The following MFHAS1 variants were observed in gnomAD, a reference collection of about 807,000 sequenced individuals.
MFHAS1 encodes the protein multifunctional ROCO family signaling regulator 1.
Under a neutral mutation model 70.4 loss-of-function variants are expected in MFHAS1, and 50 were observed. That is an observed-to-expected ratio of 0.71 (90% CI 0.57 to 0.90). The LOEUF is 0.90. Among genes scored for constraint, MFHAS1 ranks in the 40% least tolerant of loss-of-function variants. The pLI, the probability that MFHAS1 is intolerant of heterozygous loss-of-function variation, is 0.00. For synonymous variants in MFHAS1, 952 were observed against 620.0 expected, an observed-to-expected ratio of 1.54 and a Z score of -7.96; for missense variants, 1,795 against 1,347.6, an observed-to-expected ratio of 1.33 and a Z score of -5.20.
intron 1 of MFHAS1, among the ~76,000 whole-genome samples, chr8:8,866,544 C>G (rs1176743658): frequency 6.6e-6 from 1 of 152,090 alleles, no homozygotes; most frequent in Non-Finnish European, 1.5e-5. Context: ...TCTTCAACTC[C>G]TGGGCTCAAG....
chr8:8,808,688 C>T (rs1344220049), intron 1 of MFHAS1, among the ~76,000 whole-genome samples: 1 of 152,224 alleles, frequency 6.6e-6, no homozygotes, highest in African/African-American at 2.4e-5. Flanking sequence ...ATGGTTACAG[C>T]ACCTGCTAAG....
chr8:8,806,627 T>G (rs1399575839), intron 1 of MFHAS1, among the ~76,000 whole-genome samples: 4 of 152,174 alleles, frequency 2.6e-5, no homozygotes, highest in Non-Finnish European at 5.9e-5. Context: ...ATAGATGCTT[T>G]CTCTAGATTT....
At chr8:8,787,847 A>C (rs1421421209) in intron 2 of MFHAS1, among the ~76,000 whole-genome samples, 1 of 152,250 alleles carries the variant, frequency 6.6e-6, no homozygotes, top group Non-Finnish European at 1.5e-5. Flanking sequence ...TACCTAATCA[A>C]GGACACCTAG....
At chr8:8,807,263 C>T (rs1221049963) in intron 1 of MFHAS1, among the ~76,000 whole-genome samples, 1 of 152,092 alleles carries the variant, frequency 6.6e-6, no homozygotes, top group Non-Finnish European at 1.5e-5. Context: ...ATCTCATTAT[C>T]TCAGAAAAAA....
At chr8:8,872,758 C>T (rs1227210005) in intron 1 of MFHAS1, among the ~76,000 whole-genome samples, 3 of 151,180 alleles carry the variant, frequency 2.0e-5, no homozygotes, top group Non-Finnish European at 2.9e-5. Context: ...GTGGATATTC[C>T]CTATTCCAAG....
intron 1 of MFHAS1, among the ~76,000 whole-genome samples, chr8:8,835,151 G>C (rs1233237553): frequency 6.6e-6 from 1 of 150,920 alleles, no homozygotes; most frequent in African/African-American, 2.4e-5. Context: ...TCGAGGGTGA[G>C]CATTAGGGGA....
chr8:8,855,609 G>A lies in MFHAS1; in HGVS notation c.2998+34452C>T, dbSNP rs111393438. Among the ~76,000 whole-genome samples the A allele has an allele frequency of 5.2e-3, 791 of 152,178 alleles. 10 individuals are homozygous for A. The highest frequency in any genetic ancestry group is 0.017 in the African/African-American group (705 of 41,544). On this transcript the variant is annotated intron_variant, in intron 1 of 2. Coordinates refer to ENST00000276282, the MANE Select transcript of MFHAS1 (RefSeq NM_004225.3). ...GGTGGCTCACACCTGTAATCCTGGC[G>A]CTTTGGTAGGCCGAGGCGGGTGGAT... is the stretch of plus-strand genomic sequence containing the variant.
At chr8:8,795,197 C>T (rs138598473) in intron 2 of MFHAS1, among the ~76,000 whole-genome samples, 70 of 151,512 alleles carry the variant, frequency 4.6e-4, no homozygotes, top group African/African-American at 1.5e-3. Flanking sequence ...TAAGAACTTG[C>T]GGGGTATTAA....
At chr8:8,810,099 G>C (rs941011956) in intron 1 of MFHAS1, among the ~76,000 whole-genome samples, 1 of 152,150 alleles carries the variant, frequency 6.6e-6, no homozygotes, top group Non-Finnish European at 1.5e-5. Context: ...GGGCGCAGTG[G>C]CTCGCGCCTG....
intron 1 of MFHAS1, among the ~76,000 whole-genome samples, chr8:8,863,497 G>T (rs1326347022): frequency 6.6e-6 from 1 of 152,122 alleles, no homozygotes; most frequent in Admixed American, 6.5e-5. Flanking sequence ...AGAATGGACT[G>T]TTACCTATAT....
At chr8:8,812,351 C>T (rs1322943947) in intron 1 of MFHAS1, among the ~76,000 whole-genome samples, 1 of 152,248 alleles carries the variant, frequency 6.6e-6, no homozygotes, top group Middle Eastern at 3.4e-3. Flanking sequence ...GTTACTTACA[C>T]GGGCTGGTCA....
chr8:8,891,299 C>G lies in MFHAS1; in HGVS notation c.1760G>C (p.Arg587Pro). The G allele has an allele frequency of 6.2e-7, 1 of 1,611,504 alleles. No homozygotes were observed. Among genetic ancestry groups the G allele is most frequent in the East Asian group, 2.2e-5 (1 of 44,876 alleles). ...GTAGGCTGCGTGGGGGCTGGCAGAGCGCAGCTCGAAGTCCCGGGCCAGTGC... is the reference window on the plus strand; with the variant it reads ...GTAGGCTGCGTGGGGGCTGGCAGAGGGCAGCTCGAAGTCCCGGGCCAGTGC... ...DEALARDFELRSASPHAAYYG... is the reference protein window; with the variant it reads ...DEALARDFELPSASPHAAYYG... Residue 587 changes from arginine to proline, a missense_variant, in exon 1 of 3, where the codon CGC becomes CCC. Arg to Pro is a moderately radical substitution (Grantham distance 103, BLOSUM62 -2). Transcript: ENST00000276282. The surrounding 1 kb of genome is among the most constrained non-coding windows in gnomAD (Gnocchi z 5.4).
At chr8:8,883,191 C>T (rs1809597124) in intron 1 of MFHAS1, among the ~76,000 whole-genome samples, 1 of 151,974 alleles carries the variant, frequency 6.6e-6, no homozygotes, top group Admixed American at 6.6e-5. Flanking sequence ...AAAGCTGAAC[C>T]AGAGAGGACT....
At chr8:8,787,242 G>C (rs568833245) in intron 2 of MFHAS1, among the ~76,000 whole-genome samples, 2 of 151,870 alleles carry the variant, frequency 1.3e-5, no homozygotes, top group African/African-American at 2.4e-5. Flanking sequence ...CACCACACGC[G>C]GCTAATTTTT....
chr8:8,797,217 T>G, intron 2 of MFHAS1, 148 bp downstream of exon 2: 1 of 791,626 alleles, frequency 1.3e-6, no homozygotes, highest in Non-Finnish European at 1.9e-6. Flanking sequence ...TAAATCATGA[T>G]GCTGATGTCA....
intron 1 of MFHAS1, among the ~76,000 whole-genome samples, chr8:8,879,724 G>C (rs1405242796): frequency 1.3e-5 from 2 of 152,100 alleles, no homozygotes; most frequent in African/African-American, 4.8e-5. Flanking sequence ...AATCAACAAT[G>C]ACATTAACCA....
At position 8,783,767 on chromosome 8, in the gene MFHAS1, T is replaced by C. The variant is rs1805441509; in HGVS notation, c.*2255A>G. The C allele has an allele frequency of 1.3e-5, 2 of 151,992 alleles. No homozygotes were observed. The highest frequency in any genetic ancestry group is 1.3e-4 in the Admixed American group (2 of 15,246). 9.4% of individuals were successfully genotyped at this position (151,992 alleles called of 1,614,324 possible). On this transcript the variant is annotated 3_prime_UTR_variant, in exon 3 of 3. Transcript: ENST00000276282. Reference sequence around the variant, plus strand: ...TCGCCTCGGTGGGCTGCTGTGTCTTTCCAGGTGCTGAAAGAGAAAACGGAA... The same window carrying C: ...TCGCCTCGGTGGGCTGCTGTGTCTTCCCAGGTGCTGAAAGAGAAAACGGAA...
chr8:8,805,314 C>G lies in MFHAS1; in HGVS notation c.2999-7823G>C, dbSNP rs552976555. On this transcript the variant is annotated intron_variant, in intron 1 of 2. Coordinates refer to ENST00000276282, the MANE Select transcript of MFHAS1 (RefSeq NM_004225.3). ...ACCCCCAGAACTTAACTACAAAAAG[C>G]CTACTGTTGACTGGAAGCCTTACCA... Among the ~76,000 whole-genome samples, 150 of 152,284 alleles carry G rather than the reference C, an allele frequency of 9.9e-4. 1 individual carries two copies. Among genetic ancestry groups the G allele is most frequent in the African/African-American group, 3.5e-3 (146 of 41,552 alleles).
chr8:8,850,584 G>A (rs886700186), intron 1 of MFHAS1, among the ~76,000 whole-genome samples: 2 of 152,092 alleles, frequency 1.3e-5, no homozygotes, highest in African/African-American at 4.8e-5. Flanking sequence ...GCTCACGCCT[G>A]TAATTTCAGC....
Sources: gnomAD v4.1 joint callset for allele counts (sites outside exome capture counted in the v4.1 genomes callset) on GRCh38, gnomAD v4.1.1 for gene constraint, Gnocchi (gnomAD v3.1) non-coding constraint, MANE v1.5 for transcripts, NCBI Gene and HGNC (gene_info 2026-07-23, HGNC 2026-07-21) for gene names.